The following SH2D3C variants were observed in gnomAD, a reference collection of about 807,000 sequenced individuals.
SH2D3C encodes SH2 domain-containing protein 3C.
Under a neutral mutation model 75.2 loss-of-function variants are expected in SH2D3C, and 25 were observed. The ratio of observed to expected loss-of-function variants is 0.33; its 90% CI spans 0.24 to 0.46. The LOEUF is 0.46. Among genes scored for constraint, SH2D3C ranks in the 20% least tolerant of loss-of-function variants. The pLI, the probability that SH2D3C is intolerant of heterozygous loss-of-function variation, is 1.00. For synonymous variants in SH2D3C, 450 were observed against 473.7 expected, an observed-to-expected ratio of 0.95 and a Z score of 0.65; for missense variants, 933 against 1,165.3, an observed-to-expected ratio of 0.80 and a Z score of 2.90.
rs745601182 is a variant in SH2D3C at position 127,744,630 on chromosome 9, G to C, written c.1734C>G (p.Val578=). 6.2e-7 allele frequency: 1 copy of C among 1,614,064 alleles called. No homozygotes were observed. Among genetic ancestry groups the C allele is most frequent in the East Asian group, 2.2e-5 (1 of 44,882 alleles). The part of the protein sequence containing the change: ...RPLEVGLLRK[V]KELLAEVDAR... ...CATCCACTTCTGCCAGCAGCTCCTTGACCTTGCGCAGAAGGCCCACCTCCA... is the reference window on the plus strand; with the variant it reads ...CATCCACTTCTGCCAGCAGCTCCTTCACCTTGCGCAGAAGGCCCACCTCCA... The change falls in exon 7 of 12, where the codon GTC becomes GTG. Residue 578 remains valine, a synonymous_variant. Transcript: ENST00000314830.
At chr9:127,742,149 G>T (rs775229449) in intron 8 of SH2D3C, among the ~76,000 whole-genome samples, 190 bp from the exon 9 acceptor site, 2 of 152,142 alleles carry the variant, frequency 1.3e-5, no homozygotes, top group Admixed American at 6.5e-5. Context: ...TGATTGGTCA[G>T]CATAAATCAG....
chr9:127,774,509 T>C lies in SH2D3C; in HGVS notation c.38-42A>G, dbSNP rs145205534. On this transcript the variant is annotated intron_variant, in intron 1 of 11. Transcript: ENST00000314830. The surrounding 1 kb of genome is among the most constrained non-coding windows in gnomAD (Gnocchi z 4.3). ...GAAGGAAAAGAAGTTAATGACAATG[T>C]CAACATCAGTGATAATAATGAACAA... The C allele has an allele frequency of 5.2e-5, 50 of 970,466 alleles. No homozygotes were observed. The highest frequency in any genetic ancestry group is 3.8e-4 in the African/African-American group (24 of 63,032). The allele number at this position is 970,466 out of a possible 1,614,324, so 60.1% of individuals were successfully genotyped here.
intron 7 of SH2D3C, among the ~76,000 whole-genome samples, 184 bp downstream of exon 7, chr9:127,744,380 G>GA (rs941560511): frequency 6.6e-6 from 1 of 152,092 alleles, no homozygotes. Context: ...TTTTTAAAAG[G>GA]AGAAACTGGA....
intron 10 of SH2D3C, 72 bp downstream of exon 10, chr9:127,740,186 T>C (rs1844811832): frequency 1.6e-6 from 2 of 1,256,310 alleles, no homozygotes; most frequent in East Asian, 4.6e-5. Context: ...CTGTCATCAC[T>C]GTCCATGCTG....
At chr9:127,752,708 ATC>A (rs1845236515) in intron 3 of SH2D3C, among the ~76,000 whole-genome samples, 1 of 152,068 alleles carries the variant, frequency 6.6e-6, no homozygotes, top group South Asian at 2.1e-4. Context: ...GATATCTAGA[ATC>A]TCTGATTCCA....
intron 2 of SH2D3C, chr9:127,771,162 C>T: frequency 6.5e-7 from 1 of 1,526,774 alleles, no homozygotes; most frequent in Non-Finnish European, 8.8e-7. Flanking sequence ...GCTGGCCCTC[C>T]CCAGGCCCAG....
Position 127,745,024 on chromosome 9 carries a change from C to G in SH2D3C, c.1340G>C (p.Ser447Thr). Residue 447 changes from serine (S) to threonine (T), a missense_variant, in exon 7 of 12, where the codon AGT becomes ACT. Coordinates refer to ENST00000314830, the MANE Select transcript of SH2D3C (RefSeq NM_170600.3). ...ACTTCCGGGACACAGCTGGGGCTCA[C>G]TGGAACGGCGGGCGACAGGGGAGGC... ...LPASPVARRS[S>T]EPQLCPGSAP... The G allele has an allele frequency of 6.6e-7, 1 of 1,513,334 alleles. No homozygotes were observed. The allele number at this position is 1,513,334 out of a possible 1,614,324, so 93.7% of individuals were successfully genotyped here.
At chr9:127,740,013 TCCTGA>T in intron 10 of SH2D3C, 125 bp from the exon 11 acceptor site, 1 of 943,530 alleles carries the variant, frequency 1.1e-6, no homozygotes, top group Non-Finnish European at 1.6e-6. Context: ...CCCCAAGGGC[TCCTGA>T]CTCCTGGGAC....
intron 2 of SH2D3C, among the ~76,000 whole-genome samples, chr9:127,771,667 C>G (rs1198607336): frequency 6.6e-6 from 1 of 152,244 alleles, no homozygotes; most frequent in East Asian, 1.9e-4. Context: ...CTCGGCTTCC[C>G]TGGGTGGGAG....
At chr9:127,762,237 C>T in intron 2 of SH2D3C, 1 of 1,210,710 alleles carries the variant, frequency 8.3e-7, no homozygotes, top group South Asian at 1.5e-5. Flanking sequence ...GGTGGAGAGC[C>T]TGGAGAGGCC....
chr9:127,749,517 T>C lies in SH2D3C; in HGVS notation c.833A>G (p.Tyr278Cys). 6.2e-7 allele frequency: 1 copy of C among 1,614,132 alleles called. No individual in the cohort carries two copies. Among genetic ancestry groups the C allele is most frequent in the Non-Finnish European group, 8.5e-7 (1 of 1,179,990 alleles). ...CTCAAACAGGTACTGGATGTGTGTG[T>C]AGCTCTCGCCTGCCTTCACCACCAC... ...NKVVVKAGES[Y>C]THIQYLFEQE... Residue 278 changes from tyrosine (Y) to cysteine (C), a missense_variant, in exon 5 of 12, where the codon TAC (tyrosine) becomes TGC (cysteine). Physicochemically the swap from Tyr to Cys is radical, Grantham distance 194. Transcript: ENST00000314830. This position sits in a 1 kb window ranked among gnomAD's most constrained non-coding sequence, Gnocchi z 5.9.
At chr9:127,743,114 C>A in intron 7 of SH2D3C, 150 bp from the exon 8 acceptor site, 1 of 556,058 alleles carries the variant, frequency 1.8e-6, no homozygotes, top group African/African-American at 1.9e-5. Context: ...TGATATGGAG[C>A]AAGTGACTCT....
chr9:127,777,553 G>T (rs1588530424), intron 1 of SH2D3C, among the ~76,000 whole-genome samples: 1 of 146,000 alleles, frequency 6.8e-6, no homozygotes, highest in African/African-American at 2.5e-5. Context: ...ATCCCATGAC[G>T]CCCCCATCCC....
Position 127,749,772 on chromosome 9 carries a change from C to T in SH2D3C, c.685-107G>A. The T allele has an allele frequency of 2.9e-6, 2 of 699,154 alleles. No individual in the cohort carries two copies. Among genetic ancestry groups the T allele is most frequent in the Admixed American group, 4.3e-5 (2 of 46,304 alleles). 43.3% of individuals were successfully genotyped at this position (699,154 alleles called of 1,614,324 possible). ...GATTAGGGGGCACAGCAAGACCAGA[C>T]CCAGGGCATAGAGGACCCAATGAAC... On this transcript the variant is annotated intron_variant, in intron 4 of 11. Coordinates refer to ENST00000314830, the MANE Select transcript of SH2D3C (RefSeq NM_170600.3). The surrounding 1 kb of genome is among the most constrained non-coding windows in gnomAD (Gnocchi z 5.9).
chr9:127,764,888 T>C (rs1484058453), intron 2 of SH2D3C, among the ~76,000 whole-genome samples: 5 of 152,126 alleles, frequency 3.3e-5, no homozygotes. Context: ...TTTGTATTTT[T>C]AGCAGAGATG....
At chr9:127,769,555 C>T (rs962531426) in intron 2 of SH2D3C, among the ~76,000 whole-genome samples, 1 of 151,194 alleles carries the variant, frequency 6.6e-6, no homozygotes, top group Admixed American at 6.6e-5. Flanking sequence ...ACTCGGGAGG[C>T]TGAGGCAGAA....
chr9:127,757,435 T>C (rs1023509921), intron 3 of SH2D3C, among the ~76,000 whole-genome samples: 3 of 150,262 alleles, frequency 2.0e-5, no homozygotes, highest in Non-Finnish European at 4.4e-5. Context: ...CATGCTCAGC[T>C]ATTTTTTTTT....
intron 3 of SH2D3C, among the ~76,000 whole-genome samples, chr9:127,760,609 A>G (rs1290125083): frequency 6.6e-6 from 1 of 152,084 alleles, no homozygotes; most frequent in African/African-American, 2.4e-5. Context: ...TAAAAATAAA[A>G]AAAAGAAAAA....
In SH2D3C at chr9:127,757,639, G is replaced by GATTATTATTATT. The variant is rs1491164746; in HGVS notation, c.555+3971_555+3972insAATAATAATAAT. On this transcript the variant is annotated intron_variant, in intron 3 of 11. Coordinates refer to ENST00000314830, the MANE Select transcript of SH2D3C (RefSeq NM_170600.3). ...TGATGATGATGATGATGATGATGAT[G>GATTATTATTATT]ATGATGATTATTATTATTATTATTA... Among the ~76,000 whole-genome samples the GATTATTATTATT allele has an allele frequency of 4.8e-3, 554 of 115,262 alleles. 3 individuals are homozygous for GATTATTATTATT. The highest frequency in any genetic ancestry group is 0.013 in the Middle Eastern group (3 of 238). The allele number at this position is 115,262 out of a possible 152,430, so 75.6% of individuals were successfully genotyped here.
Sources: allele counts gnomAD v4.1 joint callset (sites outside exome capture counted in the v4.1 genomes callset), GRCh38; gene constraint gnomAD v4.1.1; non-coding constraint Gnocchi (gnomAD v3.1); transcripts MANE v1.5; gene names NCBI Gene and HGNC (gene_info 2026-07-23, HGNC 2026-07-21).